Variants in LRRC4C observed in about 807,000 individuals in gnomAD.
The protein encoded by LRRC4C is leucine rich repeat containing 4C.
LRRC4C carries 5 observed loss-of-function variants against 33.6 expected under a neutral mutation model. That is an observed-to-expected ratio of 0.15 (90% CI 0.08 to 0.31). The LOEUF (loss-of-function observed/expected upper bound fraction) is 0.31, where lower values mean the gene tolerates loss of function less well. LRRC4C is among the 10% of genes least tolerant of loss of function. The probability of loss-of-function intolerance (pLI) is 1.00; values close to 1 mark genes in which losing one functional copy is unlikely to be tolerated. For missense variants in LRRC4C, 560 were observed against 796.7 expected (o/e 0.70, Z 3.58); for synonymous variants, 329 against 302.0 (o/e 1.09, Z -0.93).
chr11:40,826,137 A>G (rs535776334), intron 2 of LRRC4C, among the ~76,000 whole-genome samples: 174 of 152,034 alleles, frequency 1.1e-3, no homozygotes, highest in African/African-American at 4.2e-3. Flanking sequence ...TAAAGAGCAA[A>G]TCATTCCTTT....
chr11:40,969,926 G>T (rs914721981), intron 1 of LRRC4C, among the ~76,000 whole-genome samples: 16 of 152,172 alleles, frequency 1.1e-4, no homozygotes, highest in Admixed American at 6.5e-4. Context: ...ATGGGCGGTG[G>T]GTCATTGCTT....
At chr11:41,436,390 C>T (rs1329798197) in intron 1 of LRRC4C, among the ~76,000 whole-genome samples, 1 of 152,106 alleles carries the variant, frequency 6.6e-6, no homozygotes, top group Non-Finnish European at 1.5e-5. Context: ...TTTGATAATA[C>T]ATTTAATATC....
chr11:40,841,455 G>A (rs533198789), intron 2 of LRRC4C, among the ~76,000 whole-genome samples: 2 of 152,292 alleles, frequency 1.3e-5, no homozygotes, highest in Admixed American at 6.5e-5. Flanking sequence ...AGGTCACAAA[G>A]GTGGTGTCCT....
At chr11:41,048,350 C>T (rs1359893840) in intron 1 of LRRC4C, among the ~76,000 whole-genome samples, 17 of 147,588 alleles carry the variant, frequency 1.2e-4, no homozygotes, top group African/African-American at 3.3e-4. Flanking sequence ...CTGCAACCTC[C>T]GACTCCCTGA....
intron 4 of LRRC4C, among the ~76,000 whole-genome samples, chr11:40,249,628 C>T (rs2136166487): frequency 6.6e-6 from 1 of 150,516 alleles, no homozygotes; most frequent in South Asian, 2.1e-4. Context: ...ATACACATGC[C>T]CACACGAAAA....
At chr11:40,987,419 T>C (rs1853095152) in intron 1 of LRRC4C, among the ~76,000 whole-genome samples, 1 of 151,970 alleles carries the variant, frequency 6.6e-6, no homozygotes, top group Non-Finnish European at 1.5e-5. Flanking sequence ...CTCTTAACCG[T>C]CTGGTTCAAA....
intron 1 of LRRC4C, among the ~76,000 whole-genome samples, chr11:41,398,876 G>A (rs2138081907): frequency 6.6e-6 from 1 of 151,796 alleles, no homozygotes; most frequent in African/African-American, 2.4e-5. Flanking sequence ...TGTGTAGAAG[G>A]ACCTTATTGG....
At chr11:40,129,576 C>G (rs1171898370) in intron 6 of LRRC4C, among the ~76,000 whole-genome samples, 3 of 152,114 alleles carry the variant, frequency 2.0e-5, no homozygotes, top group African/African-American at 7.2e-5. Context: ...TACTCCAGAA[C>G]TAGGGAGGAC....
intron 3 of LRRC4C, among the ~76,000 whole-genome samples, chr11:40,578,758 T>C (rs899026466): frequency 6.6e-6 from 1 of 152,242 alleles, no homozygotes; most frequent in Non-Finnish European, 1.5e-5. Flanking sequence ...ATCCAAACTT[T>C]CTACACTTAT....
At chr11:41,133,744 C>T (rs2135856043) in intron 1 of LRRC4C, among the ~76,000 whole-genome samples, 1 of 152,140 alleles carries the variant, frequency 6.6e-6, no homozygotes, top group Non-Finnish European at 1.5e-5. Flanking sequence ...ATTAGGTCAC[C>T]CTTGCCCACC....
intron 1 of LRRC4C, among the ~76,000 whole-genome samples, chr11:41,330,763 T>C (rs985571573): frequency 6.6e-6 from 1 of 151,982 alleles, no homozygotes; most frequent in Admixed American, 6.6e-5. Context: ...ATACGTTTTA[T>C]AAGATTATAA....
At chr11:40,340,413 T>A (rs1946814168) in intron 3 of LRRC4C, among the ~76,000 whole-genome samples, 1 of 152,198 alleles carries the variant, frequency 6.6e-6, no homozygotes, top group Non-Finnish European at 1.5e-5. Flanking sequence ...TAACTACTTT[T>A]ACCCACCTTG....
At position 40,771,944 on chromosome 11, in the gene LRRC4C, C is replaced by T. The variant is rs564411114; in HGVS notation, c.-406-123666G>A. ...GAGTTCCAAACTTTCCCACATTTTT[C>T]TATCTTCTTCTGAGCCCACCAAACT... is the stretch of plus-strand genomic sequence containing the variant. On this transcript the variant is annotated intron_variant, in intron 2 of 6. Transcript: ENST00000528697. 2.0e-5 allele frequency among the ~76,000 whole-genome samples: 3 copies of T among 152,274 alleles called. No homozygotes were observed. The South Asian group carries it at 6.2e-4, about 32-fold the overall frequency.
intron 1 of LRRC4C, among the ~76,000 whole-genome samples, chr11:41,225,998 C>T (rs1343015381): frequency 6.6e-6 from 1 of 152,174 alleles, no homozygotes; most frequent in Non-Finnish European, 1.5e-5. Flanking sequence ...TATTACTAGA[C>T]ATGACTGCTT....
At chr11:40,537,570 A>C (rs1206757410) in intron 3 of LRRC4C, among the ~76,000 whole-genome samples, 1 of 152,208 alleles carries the variant, frequency 6.6e-6, no homozygotes, top group African/African-American at 2.4e-5. Flanking sequence ...CTTTATAAGC[A>C]CAACAACTCA....
intron 4 of LRRC4C, among the ~76,000 whole-genome samples, chr11:40,302,474 T>C (rs1179031402): frequency 6.6e-6 from 1 of 152,158 alleles, no homozygotes; most frequent in Non-Finnish European, 1.5e-5. Flanking sequence ...GGGTAAAGAA[T>C]GGTAAAATTA....
intron 1 of LRRC4C, among the ~76,000 whole-genome samples, chr11:41,302,848 C>G (rs962199203): frequency 6.6e-6 from 1 of 152,096 alleles, no homozygotes; most frequent in African/African-American, 2.4e-5. Context: ...GCCCACTATA[C>G]TCCCAAAGCA....
chr11:40,502,560 A>T (rs1476262853), intron 3 of LRRC4C, among the ~76,000 whole-genome samples: 1 of 152,134 alleles, frequency 6.6e-6, no homozygotes, highest in Non-Finnish European at 1.5e-5. Flanking sequence ...ATGAAACCTT[A>T]TGAGACTTAT....
At chr11:40,967,596 A>G (rs1392560050) in intron 1 of LRRC4C, among the ~76,000 whole-genome samples, 1 of 151,962 alleles carries the variant, frequency 6.6e-6, no homozygotes, top group Admixed American at 6.6e-5. Flanking sequence ...CATTCTTATT[A>G]TATCTCTTAT....
Sources: gnomAD v4.1 joint callset for allele counts (sites outside exome capture counted in the v4.1 genomes callset) on GRCh38, gnomAD v4.1.1 for gene constraint, MANE v1.5 for transcripts, NCBI Gene and HGNC (gene_info 2026-07-23, HGNC 2026-07-21) for gene names.